ZDHHC21: variants seen among roughly 807,000 people sequenced by gnomAD.
ZDHHC21 encodes zDHHC palmitoyltransferase 21, also known as palmitoyltransferase ZDHHC21.
In ZDHHC21, 15 loss-of-function variants were observed where a neutral mutation model predicts 34.6. The observed-to-expected ratio is 0.43, with a 90% CI of 0.29 to 0.67. ZDHHC21 has a LOEUF of 0.67. Among genes scored for constraint, ZDHHC21 ranks in the 30% least tolerant of loss-of-function variants. The probability of loss-of-function intolerance (pLI) is 0.14; values close to 1 mark genes in which losing one functional copy is unlikely to be tolerated. For synonymous variants in ZDHHC21, 142 were observed against 101.8 expected, an observed-to-expected ratio of 1.40 and a Z score of -2.38; for missense variants, 344 against 327.7, an observed-to-expected ratio of 1.05 and a Z score of -0.38.
intron 3 of ZDHHC21, among the ~76,000 whole-genome samples, chr9:14,676,010 T>C (rs920278077): frequency 2.6e-5 from 4 of 151,946 alleles, no homozygotes; most frequent in African/African-American, 9.7e-5. Flanking sequence ...GCCTATATCA[T>C]GAAGGACATA....
the ZDHHC21 span, among the ~76,000 whole-genome samples, chr9:14,601,347 G>C: frequency 2.0e-5 from 3 of 152,158 alleles, no homozygotes; most frequent in African/African-American, 7.2e-5. Flanking sequence ...GATATGAACA[G>C]GCACTTCTCA....
downstream of ZDHHC21, among the ~76,000 whole-genome samples, chr9:14,607,141 T>C (rs1175438076): frequency 2.0e-5 from 3 of 150,296 alleles, no homozygotes; most frequent in African/African-American, 7.4e-5. Context: ...TAAATAATAG[T>C]TTATTGATAT....
chr9:14,624,629 A>G (rs1825892615), intron 8 of ZDHHC21, among the ~76,000 whole-genome samples: 3 of 152,110 alleles, frequency 2.0e-5, no homozygotes, highest in Non-Finnish European at 4.4e-5. Flanking sequence ...AACAGTAGTT[A>G]GCAGAGACTG....
intron 2 of ZDHHC21, among the ~76,000 whole-genome samples, chr9:14,686,059 G>A (rs1838264870): frequency 6.6e-6 from 1 of 151,764 alleles, no homozygotes; most frequent in African/African-American, 2.4e-5. Flanking sequence ...CTGTCGTGGG[G>A]TGGGGGAGGG....
At chr9:14,607,697 T>C (rs1823059806), downstream of ZDHHC21, among the ~76,000 whole-genome samples, 1 of 152,086 alleles carries the variant, frequency 6.6e-6, no homozygotes, top group Non-Finnish European at 1.5e-5. Flanking sequence ...AACTGATCAA[T>C]TTTTCATGTT....
chr9:14,593,150 A>G, the ZDHHC21 span, among the ~76,000 whole-genome samples: 3 of 152,182 alleles, frequency 2.0e-5, no homozygotes, highest in Non-Finnish European at 2.9e-5. Flanking sequence ...ATTAGAAATC[A>G]TAGCACAAAC....
chr9:14,640,244 T>G (rs1829085376), intron 7 of ZDHHC21, among the ~76,000 whole-genome samples: 1 of 149,438 alleles, frequency 6.7e-6, no homozygotes, highest in African/African-American at 2.5e-5. Context: ...ACTACTCTAC[T>G]GCATCAAAAC....
intron 4 of ZDHHC21, among the ~76,000 whole-genome samples, chr9:14,673,887 A>G (rs1477929127): frequency 6.6e-6 from 1 of 152,040 alleles, no homozygotes; most frequent in Non-Finnish European, 1.5e-5. Context: ...GGTACAAAAC[A>G]GCAATAATAA....
In ZDHHC21 at chr9:14,618,476, T is replaced by C. The variant is rs567137200; in HGVS notation, c.*490A>G. The C allele has an allele frequency of 6.5e-6, 1 of 152,702 alleles. No individual in the cohort carries two copies. Among genetic ancestry groups the C allele is most frequent in the African/African-American group, 2.4e-5 (1 of 41,572 alleles). The allele number at this position is 152,702 out of a possible 1,614,324, so 9.5% of individuals were successfully genotyped here. On this transcript the variant is annotated 3_prime_UTR_variant, in exon 10 of 10. Coordinates refer to ENST00000380916, the MANE Select transcript of ZDHHC21 (RefSeq NM_178566.6). ...ATTTTTAAAAACGTTGCAGCACATT[T>C]AAAAGGAAAGGTTATTTTAAATTGG...
At chr9:14,663,196 T>A (rs1030459892) in intron 5 of ZDHHC21, among the ~76,000 whole-genome samples, 1 of 152,222 alleles carries the variant, frequency 6.6e-6, no homozygotes, top group African/African-American at 2.4e-5. Flanking sequence ...TACAAAAATG[T>A]ATCTTTTAAA....
chr9:14,625,949 T>A (rs1288345170), intron 8 of ZDHHC21, among the ~76,000 whole-genome samples: 1 of 151,832 alleles, frequency 6.6e-6, no homozygotes, highest in African/African-American at 2.4e-5. Flanking sequence ...GTAAAAGTAG[T>A]CAAGTATACA....
intron 2 of ZDHHC21, among the ~76,000 whole-genome samples, chr9:14,687,959 G>A (rs1364019399): frequency 1.3e-5 from 2 of 150,678 alleles, no homozygotes; most frequent in East Asian, 1.9e-4. Context: ...AGCTGTAAAC[G>A]TATTTATAAA....
intron 8 of ZDHHC21, among the ~76,000 whole-genome samples, chr9:14,631,232 C>A (rs1213068007): frequency 1.3e-5 from 2 of 152,214 alleles, no homozygotes; most frequent in African/African-American, 4.8e-5. Flanking sequence ...TACATCAGCA[C>A]TTGCTGCTTC....
chr9:14,606,546 G>A (rs571424553), downstream of ZDHHC21, among the ~76,000 whole-genome samples: 2 of 152,206 alleles, frequency 1.3e-5, no homozygotes, highest in South Asian at 4.1e-4. Flanking sequence ...CTCCAGCTAA[G>A]ACCTCAGACA....
intron 3 of ZDHHC21, among the ~76,000 whole-genome samples, chr9:14,675,246 T>C (rs1053984462): frequency 3.3e-5 from 5 of 151,800 alleles, no homozygotes; most frequent in African/African-American, 1.2e-4. Context: ...TAAAAATACA[T>C]CCATACTTTG....
intron 7 of ZDHHC21, among the ~76,000 whole-genome samples, chr9:14,657,737 C>T (rs1017701716): frequency 1.3e-5 from 2 of 152,120 alleles, no homozygotes; most frequent in African/African-American, 4.8e-5. Context: ...ACAATGCATT[C>T]GTTACCTCTT....
chr9:14,673,913 T>C (rs1170369807), intron 4 of ZDHHC21, among the ~76,000 whole-genome samples: 3 of 152,044 alleles, frequency 2.0e-5, no homozygotes, highest in Admixed American at 6.6e-5. Context: ...CAGAGAGACA[T>C]GCAAGTTATC....
At chr9:14,625,956 T>A (rs1206011953) in intron 8 of ZDHHC21, among the ~76,000 whole-genome samples, 1 of 151,910 alleles carries the variant, frequency 6.6e-6, no homozygotes, top group Non-Finnish European at 1.5e-5. Context: ...TAGTCAAGTA[T>A]ACAGGAAATA....
At chr9:14,632,435 A>G (rs75932934) in intron 8 of ZDHHC21, among the ~76,000 whole-genome samples, 3,381 of 152,198 alleles carry the variant, frequency 0.022, 70 homozygotes, top group South Asian at 0.12. Context: ...CACACAATGT[A>G]CAAAAATTAG....
Sources: allele counts gnomAD v4.1 joint callset (sites outside exome capture counted in the v4.1 genomes callset), GRCh38; gene constraint gnomAD v4.1.1; transcripts MANE v1.5; gene names NCBI Gene and HGNC (gene_info 2026-07-23, HGNC 2026-07-21).